CAVIN3: variants seen among roughly 807,000 people sequenced by gnomAD.
CAVIN3 encodes the protein caveolae associated protein 3.
A neutral mutation model predicts 8.2 loss-of-function variants in CAVIN3; 11 were observed. That is an observed-to-expected ratio of 1.35 (90% CI 0.85 to 2.23). The LOEUF (loss-of-function observed/expected upper bound fraction) is 2.23. CAVIN3 is among the 30% of genes most tolerant of loss of function. The pLI is 0.00. For missense variants in CAVIN3, 401 were observed against 359.5 expected, an observed-to-expected ratio of 1.12 and a Z score of -0.93; for synonymous variants, 191 against 166.3, an observed-to-expected ratio of 1.15 and a Z score of -1.14.
chr11:6,319,199 G>T lies in CAVIN3; in HGVS notation c.750C>A (p.Ala250=). The change falls in exon 2 of 2, where the codon GCC becomes GCA. Residue 250 remains alanine, a synonymous_variant. Transcript: ENST00000303927. The stretch of plus-strand genomic sequence containing the variant: ...TCTCCATTTGGAGCAGAGCTTCTTC[G>T]GCAGCCCCAGGTCTCCCGGGATCTT... ...TEEDPGRPGA[A]EEALLQMESV... is the part of the protein sequence containing the mutation. 2 of 1,541,940 alleles carry T rather than the reference G, an allele frequency of 1.3e-6. No homozygotes were observed. Among genetic ancestry groups the T allele is most frequent in the Non-Finnish European group, 1.7e-6 (2 of 1,148,384 alleles).
In CAVIN3 at chr11:6,319,418, C is replaced by A. The variant is rs778937529; in HGVS notation, c.531G>T (p.Arg177=). 1.6e-4 allele frequency: 252 copies of A among 1,611,384 alleles called. No individual in the cohort carries two copies. Among genetic ancestry groups the A allele is most frequent in the Non-Finnish European group, 1.9e-4 (229 of 1,179,558 alleles). The part of the protein sequence containing the change: ...DEEPVESRAQ[R]LRRTGLQKVQ... ...CCTTCTGCAATCCGGTGCGCCGCAG[C>A]CGCTGGGCCCTGGACTCCACCGGCT... The change falls in exon 2 of 2, where the codon CGG becomes CGT. Residue 177 remains arginine, a synonymous_variant. Transcript: ENST00000303927.
Position 6,320,081 on chromosome 11 carries a change from G to A in CAVIN3, c.384+12C>T. 1 of 1,579,146 alleles carries A rather than the reference G, an allele frequency of 6.3e-7. No homozygotes were observed. Among genetic ancestry groups the A allele is most frequent in the Non-Finnish European group, 8.5e-7 (1 of 1,172,428 alleles). ...AAAGGCCTCGGATTGGGGACCGTTT[G>A]AGGTCACTGACCTTGAAGAGCAGAA... On this transcript the variant is annotated intron_variant, in intron 1 of 1. Coordinates refer to ENST00000303927, the MANE Select transcript of CAVIN3 (RefSeq NM_145040.3).
rs12419616 is a variant in CAVIN3, at chr11:6,320,413, C to T, written c.64G>A (p.Ala22Thr). The T allele has an allele frequency of 6.4e-7, 1 of 1,566,830 alleles. No individual in the cohort carries two copies. The highest frequency in any genetic ancestry group is 8.6e-7 in the Non-Finnish European group (1 of 1,163,322). Residue 22 changes from alanine to threonine, a missense_variant, in exon 1 of 2, where the codon GCC becomes ACC. Transcript: ENST00000303927. The stretch of plus-strand genomic sequence containing the variant: ...TCCAGCAGGGTCACCACCGTCACGG[C>T]GTGCACGGGACCCCCCGCCGGCGCC... Reference protein sequence around the residue: ...PEAPAGGPVHAVTVVTLLEKL... With the variant: ...PEAPAGGPVHTVTVVTLLEKL...
In CAVIN3 at chr11:6,319,264, C is replaced by A. The variant is rs538451811; in HGVS notation, c.685G>T (p.Glu229Ter). The change falls in exon 2 of 2, where the codon GAG (glutamate) becomes TAG (stop). Residue 229 changes from glutamate (E) to a stop codon, truncating the protein, a stop_gained. Transcript: ENST00000303927. LOFTEE classifies it high-confidence loss of function. Reference sequence around the variant, plus strand: ...GGAGGCTCTGGCTCCAGCGTGGGCTCCAGCGCAGGCTGGGCTTCCGGCTGG... The same window carrying A: ...GGAGGCTCTGGCTCCAGCGTGGGCTACAGCGCAGGCTGGGCTTCCGGCTGG... ...EAQPEAQPALEPTLEPEPPQD... is the reference protein window; with the variant it reads ...EAQPEAQPAL 1.9e-6 allele frequency: 3 copies of A among 1,606,966 alleles called. No homozygotes were observed. In the African/African-American group the frequency reaches 4.0e-5, roughly 22 times the overall value.
In CAVIN3 at chr11:6,319,125, C is replaced by T. The variant is rs766859703; in HGVS notation, c.*38G>A. Reference sequence around the variant, plus strand: ...CATTCTGAAAGGATTTATTTTGGGACAAGGCACAAGCACAGGGGAGGCAGG... The same window carrying T: ...CATTCTGAAAGGATTTATTTTGGGATAAGGCACAAGCACAGGGGAGGCAGG... On this transcript the variant is annotated 3_prime_UTR_variant, in exon 2 of 2. Coordinates refer to ENST00000303927, the MANE Select transcript of CAVIN3 (RefSeq NM_145040.3). 6.6e-6 allele frequency: 10 copies of T among 1,503,778 alleles called. No homozygotes were observed. The highest frequency in any genetic ancestry group is 8.9e-6 in the Non-Finnish European group (10 of 1,126,782). 93.2% of individuals were successfully genotyped at this position (1,503,778 alleles called of 1,614,324 possible).
At position 6,320,155 on chromosome 11, in the gene CAVIN3, G is replaced by A; in HGVS notation, c.322C>T (p.Arg108Trp). The change falls in exon 1 of 2, where the codon CGG (arginine) becomes TGG (tryptophan). Residue 108 changes from arginine (R) to tryptophan (W), a missense_variant. Transcript: ENST00000303927. ...AGCAGCCCGTGGTTGGCCTCCAGCC[G>A]CTGCACCTGGGCTGCGCGGCGCACC... is the stretch of plus-strand genomic sequence containing the variant. Reference protein sequence around the residue: ...RAVRRAAQVQRLEANHGLLVA... With the variant: ...RAVRRAAQVQWLEANHGLLVA... The A allele has an allele frequency of 1.3e-6, 2 of 1,585,020 alleles. No individual in the cohort carries two copies. Among genetic ancestry groups the A allele is most frequent in the Non-Finnish European group, 1.7e-6 (2 of 1,173,814 alleles).
In CAVIN3 at chr11:6,319,047, A is replaced by G; in HGVS notation, c.*116T>C. ...CTGGGCTTAAGGAAGGGAGGGCCAG[A>G]GCGCCCGCCTTGGTGGATGTAGGAT... On this transcript the variant is annotated 3_prime_UTR_variant, in exon 2 of 2. Coordinates refer to ENST00000303927, the MANE Select transcript of CAVIN3 (RefSeq NM_145040.3). 2 of 1,096,942 alleles carry G rather than the reference A, an allele frequency of 1.8e-6. No homozygotes were observed. The highest frequency in any genetic ancestry group is 2.6e-6 in the Non-Finnish European group (2 of 783,848). The allele number at this position is 1,096,942 out of a possible 1,614,324, so 68.0% of individuals were successfully genotyped here. A position where few individuals can be genotyped will look rare whatever the true frequency, so the allele number is the denominator to read the frequency against.
chr11:6,319,643 G>A, intron 1 of CAVIN3, 79 bp from the exon 2 acceptor site: 1 of 1,497,030 alleles, frequency 6.7e-7, no homozygotes, highest in Non-Finnish European at 9.0e-7. Context: ...AATTACACAA[G>A]GGAAACCTTT....
Position 6,320,079 on chromosome 11 carries a change from T to A in CAVIN3, c.384+14A>T. On this transcript the variant is annotated intron_variant, in intron 1 of 1. Transcript: ENST00000303927. The stretch of plus-strand genomic sequence containing the variant: ...GCAAAGGCCTCGGATTGGGGACCGT[T>A]TGAGGTCACTGACCTTGAAGAGCAG... 1 of 1,577,872 alleles carries A rather than the reference T, an allele frequency of 6.3e-7. No homozygotes were observed. The highest frequency in any genetic ancestry group is 8.5e-7 in the Non-Finnish European group (1 of 1,171,954).
Position 6,319,014 on chromosome 11 carries a change from A to G in CAVIN3, c.*149T>C. The G allele has an allele frequency of 1.4e-6, 1 of 700,908 alleles. No homozygotes were observed. The highest frequency in any genetic ancestry group is 2.3e-6 in the Non-Finnish European group (1 of 437,700). The allele number at this position is 700,908 out of a possible 1,614,324, so 43.4% of individuals were successfully genotyped here. On this transcript the variant is annotated 3_prime_UTR_variant, in exon 2 of 2. Coordinates refer to ENST00000303927, the MANE Select transcript of CAVIN3 (RefSeq NM_145040.3). ...TGAGTGACTGCACCTCTTTCAGAGG[A>G]CACAGGACTGGGCTTAAGGAAGGGA...
At position 6,319,525 on chromosome 11, in the gene CAVIN3, G is replaced by A; in HGVS notation, c.424C>T (p.Pro142Ser). ...EVPASAFQKA[P>S]EPLGPADQSE... ...TGGTCCGCCGGGCCCAAGGGCTCTG[G>A]TGCCTTCTGGAAAGCGCTGGCTGGG... Residue 142 changes from proline (P) to serine (S), a missense_variant, in exon 2 of 2, where the codon CCA becomes TCA. Transcript: ENST00000303927. The A allele has an allele frequency of 6.3e-6, 10 of 1,595,216 alleles. No individual in the cohort carries two copies. Among genetic ancestry groups the A allele is most frequent in the Non-Finnish European group, 8.5e-6 (10 of 1,175,260 alleles).
chr11:6,319,876 C>A (rs957271126), intron 1 of CAVIN3: 2 of 676,662 alleles, frequency 3.0e-6, no homozygotes, highest in Admixed American at 2.7e-5. Flanking sequence ...TAGAGCTGGG[C>A]GGGCTTGGAT....
At position 6,319,703 on chromosome 11, in the gene CAVIN3, G is replaced by A. The variant is rs146152211; in HGVS notation, c.385-139C>T. ...GGAAAGGCAGGCGTGGGAAGGTAAGGGGAGGGAAAGCTGCGTGCGAACTGC... is the reference window on the plus strand; with the variant it reads ...GGAAAGGCAGGCGTGGGAAGGTAAGAGGAGGGAAAGCTGCGTGCGAACTGC... On this transcript the variant is annotated intron_variant, in intron 1 of 1. Transcript: ENST00000303927. The A allele has an allele frequency of 6.4e-4, 720 of 1,119,376 alleles. 1 individual carries two copies. The African/African-American group carries it at 9.8e-3, about 15-fold the overall frequency. 69.3% of individuals were successfully genotyped at this position (1,119,376 alleles called of 1,614,324 possible).
rs1409435382 is a variant in CAVIN3 at position 6,318,990 on chromosome 11, G to C, written c.*173C>G. Reference sequence around the variant, plus strand: ...ATTGATGGTGAGCGCAAGCAGGTGTGAGTGACTGCACCTCTTTCAGAGGAC... The same window carrying C: ...ATTGATGGTGAGCGCAAGCAGGTGTCAGTGACTGCACCTCTTTCAGAGGAC... On this transcript the variant is annotated 3_prime_UTR_variant, in exon 2 of 2. Coordinates refer to ENST00000303927, the MANE Select transcript of CAVIN3 (RefSeq NM_145040.3). The C allele has an allele frequency of 2.5e-5, 14 of 554,960 alleles. No homozygotes were observed. Among genetic ancestry groups the C allele is most frequent in the Non-Finnish European group, 4.0e-5 (13 of 325,530 alleles). 34.4% of individuals were successfully genotyped at this position (554,960 alleles called of 1,614,324 possible).
rs1414562438 is a variant in CAVIN3, at chr11:6,319,704, G to A, written c.385-140C>T. The A allele has an allele frequency of 3.6e-6, 4 of 1,120,268 alleles. No individual in the cohort carries two copies. In the African/African-American group the frequency reaches 4.6e-5, roughly 13 times the overall value. The allele number at this position is 1,120,268 out of a possible 1,614,324, so 69.4% of individuals were successfully genotyped here. ...GAAAGGCAGGCGTGGGAAGGTAAGG[G>A]GAGGGAAAGCTGCGTGCGAACTGCA... On this transcript the variant is annotated intron_variant, in intron 1 of 1. Coordinates refer to ENST00000303927, the MANE Select transcript of CAVIN3 (RefSeq NM_145040.3).
rs776846711 is a variant in CAVIN3, at chr11:6,319,123, GA to G, written c.*39del. Reference sequence around the variant, plus strand: ...TACATTCTGAAAGGATTTATTTTGGGACAAGGCACAAGCACAGGGGAGGCAG... The same window carrying G: ...TACATTCTGAAAGGATTTATTTTGGGCAAGGCACAAGCACAGGGGAGGCAG... On this transcript the variant is annotated 3_prime_UTR_variant, in exon 2 of 2. Transcript: ENST00000303927. The G allele has an allele frequency of 6.7e-7, 1 of 1,502,788 alleles. No individual in the cohort carries two copies. The highest frequency in any genetic ancestry group is 2.4e-5 in the Admixed American group (1 of 42,124). The allele number at this position is 1,502,788 out of a possible 1,614,324, so 93.1% of individuals were successfully genotyped here.
intron 1 of CAVIN3, chr11:6,319,812 T>C: frequency 1.5e-6 from 1 of 667,316 alleles, no homozygotes; most frequent in Non-Finnish European, 2.6e-6. Flanking sequence ...TCAACCACCG[T>C]TATTTTAGGG....
chr11:6,319,402 A>G lies in CAVIN3; in HGVS notation c.547T>C (p.Leu183=). Residue 183 remains leucine (L), a synonymous_variant, in exon 2 of 2, where the codon TTG becomes CTG. Transcript: ENST00000303927. ...CTTCGGAGGCTCTGTACCTTCTGCAATCCGGTGCGCCGCAGCCGCTGGGCC... is the reference window on the plus strand; with the variant it reads ...CTTCGGAGGCTCTGTACCTTCTGCAGTCCGGTGCGCCGCAGCCGCTGGGCC... ...SRAQRLRRTG[L]QKVQSLRRAL... The G allele has an allele frequency of 1.2e-6, 2 of 1,610,932 alleles. No individual in the cohort carries two copies. The highest frequency in any genetic ancestry group is 1.3e-5 in the African/African-American group (1 of 74,974).
Position 6,320,127 on chromosome 11 carries a change from ACCAGCAGCCCGTGGTTGGCCT to A in CAVIN3, c.329_349del (p.Glu110_Leu116del), listed in dbSNP as rs754929867. 1 of 1,589,156 alleles carries A rather than the reference ACCAGCAGCCCGTGGTTGGCCT, an allele frequency of 6.3e-7. No individual in the cohort carries two copies. The highest frequency in any genetic ancestry group is 8.5e-7 in the Non-Finnish European group (1 of 1,175,982). ...CAGAACGTGGAGCTTCCCGCGCGCCACCAGCAGCCCGTGGTTGGCCTCCAGCCGCTGCACCTGGGCTGCGCG... is the reference window on the plus strand; with the variant it reads ...CAGAACGTGGAGCTTCCCGCGCGCCACCAGCCGCTGCACCTGGGCTGCGCG... On this transcript the variant is annotated inframe_deletion, in exon 1 of 2. Transcript: ENST00000303927.
Sources: allele counts gnomAD v4.1 joint callset, GRCh38; gene constraint gnomAD v4.1.1; transcripts MANE v1.5; gene names NCBI Gene and HGNC (gene_info 2026-07-23, HGNC 2026-07-21).